Variants in GDAP2 observed in about 807,000 individuals in gnomAD.
GDAP2 encodes the protein ganglioside induced differentiation associated protein 2, also known as ganglioside-induced differentiation-associated protein 2.
A neutral mutation model predicts 67.0 loss-of-function variants in GDAP2; 51 were observed. The observed-to-expected ratio is 0.76, with a 90% CI of 0.61 to 0.96. GDAP2 has a LOEUF of 0.96. Among genes scored for constraint, GDAP2 ranks in the 40% least tolerant of loss-of-function variants. The pLI is 0.00. For synonymous variants in GDAP2, 203 were observed against 207.3 expected (o/e 0.98, Z 0.18); for missense variants, 547 against 588.3 (o/e 0.93, Z 0.73).
chr1:117,909,462 A>G (rs1227663119), intron 5 of GDAP2, among the ~76,000 whole-genome samples: 1 of 152,210 alleles, frequency 6.6e-6, no homozygotes, highest in Non-Finnish European at 1.5e-5. Context: ...AATTTTGATA[A>G]TAGTTTAATA....
intron 1 of GDAP2, among the ~76,000 whole-genome samples, chr1:117,921,794 A>G (rs1215538313): frequency 6.6e-6 from 1 of 152,230 alleles, no homozygotes; most frequent in African/African-American, 2.4e-5. Context: ...AGATGGGGCA[A>G]GAGTAGATGC....
rs760371404 is a variant in GDAP2, at chr1:117,912,686, G to C, written c.317-3C>G. The C allele has an allele frequency of 6.2e-7, 1 of 1,610,896 alleles. No individual in the cohort carries two copies. Among genetic ancestry groups the C allele is most frequent in the Non-Finnish European group, 8.5e-7 (1 of 1,177,748 alleles). ...TTTTGCTTCACCTGTTCGGCACCCT[G>C]AAAACAATGGAAACACACATAAGTT... On this transcript the variant is annotated splice_polypyrimidine_tract_variant and splice_region_variant and intron_variant, in intron 3 of 13. Transcript: ENST00000369443.
intron 9 of GDAP2, 82 bp from the exon 10 acceptor site, chr1:117,886,735 T>G (rs961596850): frequency 5.2e-6 from 4 of 769,974 alleles, no homozygotes; most frequent in Admixed American, 4.2e-5. Flanking sequence ...TTATAAAATA[T>G]TCTATGTGAA....
In GDAP2 at chr1:117,864,010, T is replaced by C. The variant is rs1421373216; in HGVS notation, c.*6559A>G. 1 of 152,198 alleles carries C rather than the reference T, an allele frequency of 6.6e-6. No homozygotes were observed. Among genetic ancestry groups the C allele is most frequent in the Non-Finnish European group, 1.5e-5 (1 of 68,032 alleles). The allele number at this position is 152,198 out of a possible 1,614,324, so 9.4% of individuals were successfully genotyped here. A position where few individuals can be genotyped will look rare whatever the true frequency, so the allele number is the denominator to read the frequency against. Reference sequence around the variant, plus strand: ...TTGAGAAACAGGCCCAAGGTCTGAGTGTGTCAGAAGCCAAAGCGCCAATGC... The same window carrying C: ...TTGAGAAACAGGCCCAAGGTCTGAGCGTGTCAGAAGCCAAAGCGCCAATGC... On this transcript the variant is annotated 3_prime_UTR_variant, in exon 14 of 14. Coordinates refer to ENST00000369443, the MANE Select transcript of GDAP2 (RefSeq NM_017686.4).
intron 8 of GDAP2, among the ~76,000 whole-genome samples, chr1:117,892,337 T>C (rs61806133): frequency 0.067 from 10,158 of 152,208 alleles, 478 homozygotes; most frequent in Non-Finnish European, 0.099. Context: ...GAATATTTCA[T>C]GTTTTCTATT....
intron 7 of GDAP2, 66 bp from the exon 8 acceptor site, chr1:117,897,055 G>A: frequency 8.8e-7 from 1 of 1,132,530 alleles, no homozygotes; most frequent in Non-Finnish European, 1.3e-6. Context: ...CATTGTGAAT[G>A]CTGCAGTAAG....
chr1:117,928,632 T>C (rs927986528), intron 1 of GDAP2, among the ~76,000 whole-genome samples: 1 of 152,246 alleles, frequency 6.6e-6, no homozygotes, highest in African/African-American at 2.4e-5. Flanking sequence ...ATTGCAATTT[T>C]CTTGAATATG....
intron 1 of GDAP2, among the ~76,000 whole-genome samples, chr1:117,928,299 T>C (rs928072797): frequency 2.0e-5 from 3 of 152,216 alleles, no homozygotes; most frequent in Non-Finnish European, 4.4e-5. Context: ...TTATTTAGCA[T>C]TGATGTCACT....
chr1:117,924,065 T>G (rs1327239615), intron 1 of GDAP2, among the ~76,000 whole-genome samples: 3 of 152,258 alleles, frequency 2.0e-5, no homozygotes, highest in African/African-American at 7.2e-5. Context: ...CAAGATTATA[T>G]GAGATGGTGT....
intron 13 of GDAP2, among the ~76,000 whole-genome samples, chr1:117,873,358 G>C (rs1450352740): frequency 1.3e-5 from 2 of 151,590 alleles, no homozygotes; most frequent in South Asian, 4.2e-4. Flanking sequence ...AATTGATGTT[G>C]CTATTCCAAG....
intron 1 of GDAP2, among the ~76,000 whole-genome samples, chr1:117,923,315 G>A (rs923623248): frequency 3.3e-5 from 5 of 152,238 alleles, no homozygotes; most frequent in Non-Finnish European, 7.3e-5. Flanking sequence ...AATCACAAGA[G>A]TATTGATTGG....
At chr1:117,897,079 T>C in intron 7 of GDAP2, 90 bp from the exon 8 acceptor site, 1 of 873,126 alleles carries the variant, frequency 1.1e-6, no homozygotes, top group East Asian at 2.7e-5. Context: ...GACAGTGAGG[T>C]AACTCAAAAA....
At chr1:117,884,927 C>T (rs886766013) in intron 10 of GDAP2, among the ~76,000 whole-genome samples, 3 of 151,736 alleles carry the variant, frequency 2.0e-5, no homozygotes, top group Admixed American at 6.6e-5. Context: ...GATCTTGCAA[C>T]CTCTGCATCC....
intron 11 of GDAP2, 49 bp from the exon 12 acceptor site, chr1:117,881,926 A>G: frequency 1.0e-6 from 1 of 952,862 alleles, no homozygotes; most frequent in Non-Finnish European, 1.7e-6. Flanking sequence ...GTTCATGCCT[A>G]AAACCAATTA....
chr1:117,913,401 ATT>A (rs74388227), intron 3 of GDAP2: 70 of 142,330 alleles, frequency 4.9e-4, no homozygotes, highest in Admixed American at 5.0e-4. Flanking sequence ...TAAGGTGATG[ATT>A]TTTTTTTTTT....
chr1:117,916,400 T>A (rs966204794), intron 3 of GDAP2, among the ~76,000 whole-genome samples: 1 of 152,080 alleles, frequency 6.6e-6, no homozygotes, highest in African/African-American at 2.4e-5. Flanking sequence ...GAAAAGTGAG[T>A]AAGATCTTGC....
At chr1:117,912,205 A>G (rs1250446557) in intron 4 of GDAP2, 123 bp from the exon 5 acceptor site, 3 of 675,102 alleles carry the variant, frequency 4.4e-6, no homozygotes, top group South Asian at 1.7e-5. Flanking sequence ...CAAATCTACT[A>G]TAATAGCTAA....
intron 6 of GDAP2, among the ~76,000 whole-genome samples, chr1:117,899,802 A>G (rs956196412): frequency 6.6e-6 from 1 of 152,156 alleles, no homozygotes; most frequent in African/African-American, 2.4e-5. Flanking sequence ...TATTTGTCCT[A>G]TATCTTGAAG....
intron 8 of GDAP2, 115 bp downstream of exon 8, chr1:117,896,718 A>G (rs1283247634): frequency 1.8e-5 from 12 of 654,164 alleles, no homozygotes; most frequent in Non-Finnish European, 2.4e-6. Flanking sequence ...ACTGATTGTC[A>G]TGAAAAATAA....
Sources: gnomAD v4.1 joint callset for allele counts (sites outside exome capture counted in the v4.1 genomes callset) on GRCh38, gnomAD v4.1.1 for gene constraint, MANE v1.5 for transcripts, NCBI Gene and HGNC (gene_info 2026-07-23, HGNC 2026-07-21) for gene names.